The following TANC2 variants were observed in gnomAD, a reference collection of about 807,000 sequenced individuals.
TANC2 encodes the protein tetratricopeptide repeat, ankyrin repeat and coiled-coil containing 2, also known as protein TANC2.
A neutral mutation model predicts 210.5 loss-of-function variants in TANC2; 26 were observed. That is an observed-to-expected ratio of 0.12 (90% CI 0.09 to 0.17). The LOEUF (loss-of-function observed/expected upper bound fraction) is 0.17, where lower values mean the gene tolerates loss of function less well. Among genes scored for constraint, TANC2 ranks in the 10% least tolerant of loss-of-function variants. TANC2 has a pLI of 1.00. For missense variants in TANC2, 2,129 were observed against 2,608.9 expected, an observed-to-expected ratio of 0.82 and a Z score of 4.01; for synonymous variants, 931 against 967.1, an observed-to-expected ratio of 0.96 and a Z score of 0.69.
At chr17:63,197,703 A>G (rs964482580) in intron 6 of TANC2, 4 of 152,122 alleles carry the variant, frequency 2.6e-5, no homozygotes, top group Non-Finnish European at 4.4e-5. Context: ...TATGTTGTGT[A>G]TTTGTAGGAC....
At chr17:63,395,540 T>G (rs764274900) in intron 17 of TANC2, among the ~76,000 whole-genome samples, 4 of 152,210 alleles carry the variant, frequency 2.6e-5, no homozygotes, top group Non-Finnish European at 5.9e-5. Context: ...GAAAAGAAGT[T>G]CTTCCCAGAG....
intron 9 of TANC2, among the ~76,000 whole-genome samples, chr17:63,292,773 C>T (rs2044420356): frequency 6.6e-6 from 1 of 152,154 alleles, no homozygotes; most frequent in Non-Finnish European, 1.5e-5. Context: ...ACACAGTTAA[C>T]AGCCAGACAC....
In TANC2 at chr17:63,071,655, A is replaced by AT. The variant is rs1051383002; in HGVS notation, c.68-2279dup. ...ACCAAACATGGCTTTTGGGAAAAAC[A>AT]TTTTTTTTTCTTTAGAGAATATATC... On this transcript the variant is annotated intron_variant, in intron 2 of 27. Coordinates refer to ENST00000689528, the Ensembl canonical transcript of TANC2. Among the ~76,000 whole-genome samples, 45 of 151,174 alleles carry AT rather than the reference A, an allele frequency of 3.0e-4. No individual in the cohort carries two copies. In the South Asian group the frequency reaches 4.2e-3, roughly 14 times the overall value.
chr17:63,097,291 C>T (rs543559331), intron 3 of TANC2, among the ~76,000 whole-genome samples: 1 of 152,274 alleles, frequency 6.6e-6, no homozygotes, highest in African/African-American at 2.4e-5. Context: ...AAGTGATCCA[C>T]TTGCCTTGGC....
rs774425885 is a variant in TANC2 at position 63,412,140 on chromosome 17, G to A, written c.3898+10G>A. The A allele has an allele frequency of 5.0e-6, 8 of 1,613,820 alleles. No homozygotes were observed. In the East Asian group the frequency reaches 1.6e-4, roughly 31 times the overall value. ...AAAGGAGCCAAGATAGGTAGGAGAA[G>A]GGAAGAGGATGTTGGCCATCTGTGC... On this transcript the variant is annotated intron_variant, in intron 23 of 27. Transcript: ENST00000689528. The surrounding 1 kb of genome is among the most constrained non-coding windows in gnomAD (Gnocchi z 4.2).
chr17:63,323,388 C>T (rs559394772), intron 11 of TANC2, among the ~76,000 whole-genome samples: 1 of 152,260 alleles, frequency 6.6e-6, no homozygotes, highest in East Asian at 1.9e-4. Flanking sequence ...GAAATACTTT[C>T]CATTTGAAGC....
At chr17:63,322,513 A>T (rs1042210555) in intron 11 of TANC2, among the ~76,000 whole-genome samples, 14 of 152,168 alleles carry the variant, frequency 9.2e-5, no homozygotes, top group Non-Finnish European at 2.1e-4. Flanking sequence ...AAAAGAACAG[A>T]CTAATATCTA....
intron 5 of TANC2, among the ~76,000 whole-genome samples, chr17:63,184,992 G>T (rs184850501): frequency 2.0e-5 from 3 of 150,280 alleles, no homozygotes; most frequent in Non-Finnish European, 4.4e-5. Context: ...TTTTTTGGAG[G>T]GGGGGTTGGG....
At chr17:63,216,314 G>T (rs1245153934) in intron 7 of TANC2, among the ~76,000 whole-genome samples, 1 of 152,180 alleles carries the variant, frequency 6.6e-6, no homozygotes, top group East Asian at 1.9e-4. Flanking sequence ...CTCCCAAAGT[G>T]CTGGGATTAC....
chr17:63,351,132 A>G (rs2046594327), intron 12 of TANC2, 118 bp from the exon 13 acceptor site: 2 of 922,734 alleles, frequency 2.2e-6, no homozygotes, highest in Non-Finnish European at 3.2e-6. Context: ...AGCATTCACT[A>G]AACACATGAC....
intron 8 of TANC2, among the ~76,000 whole-genome samples, chr17:63,262,369 T>G (rs2043389245): frequency 6.6e-6 from 1 of 152,184 alleles, no homozygotes; most frequent in African/African-American, 2.4e-5. Flanking sequence ...TTGTTTAATT[T>G]TCAGAGATGA....
rs151196166 is a variant in TANC2, at chr17:63,000,125, G to C, written c.-23-9412G>C. ...GTGAGGATCAAAAAATTACCTATTA[G>C]ATACTGTGTTTATTACCTGAGTGAC... On this transcript the variant is annotated intron_variant, in intron 1 of 27. Transcript: ENST00000689528. Among the ~76,000 whole-genome samples, 39 of 152,246 alleles carry C rather than the reference G, an allele frequency of 2.6e-4. No individual in the cohort carries two copies. The East Asian group carries it at 7.1e-3, about 28-fold the overall frequency.
chr17:63,168,640 T>C (rs894008206), intron 5 of TANC2, among the ~76,000 whole-genome samples: 40 of 152,238 alleles, frequency 2.6e-4, no homozygotes, highest in Admixed American at 2.2e-3. Context: ...ATTCAACATA[T>C]ACTTTATCAT....
intron 2 of TANC2, among the ~76,000 whole-genome samples, chr17:63,068,314 C>A (rs2036275621): frequency 6.6e-6 from 1 of 151,956 alleles, no homozygotes. Flanking sequence ...GAGTAGTATT[C>A]GTGAGATTGT....
At chr17:63,130,526 A>G (rs1185428497) in intron 4 of TANC2, among the ~76,000 whole-genome samples, 2 of 152,086 alleles carry the variant, frequency 1.3e-5, no homozygotes, top group African/African-American at 2.4e-5. Context: ...AAAAAAAAAA[A>G]AGATTTAAAA....
chr17:63,075,992 T>A (rs1047242966), intron 3 of TANC2, among the ~76,000 whole-genome samples: 1 of 151,606 alleles, frequency 6.6e-6, no homozygotes, highest in African/African-American at 2.4e-5. Flanking sequence ...AACTGGAGAG[T>A]ATATGAATAA....
At chr17:63,329,317 GA>G (rs928752832) in intron 11 of TANC2, among the ~76,000 whole-genome samples, 3 of 151,540 alleles carry the variant, frequency 2.0e-5, no homozygotes, top group African/African-American at 7.3e-5. Context: ...GAAAAAATGG[GA>G]AAAAAATAAA....
chr17:63,054,902 C>T lies in TANC2; in HGVS notation c.68-19041C>T, dbSNP rs180875521. ...CTTGTGGTTTTAATAACCTCCACCC[C>T]TCCTATTAGGGTTCTGTATTTTAGT... On this transcript the variant is annotated intron_variant, in intron 2 of 27. Transcript: ENST00000689528. Among the ~76,000 whole-genome samples, 628 of 152,276 alleles carry T rather than the reference C, an allele frequency of 4.1e-3. 5 individuals are homozygous for T. Among genetic ancestry groups the T allele is most frequent in the African/African-American group, 0.014 (585 of 41,564 alleles).
At position 63,072,728 on chromosome 17, in the gene TANC2, C is replaced by T. The variant is rs569839717; in HGVS notation, c.68-1215C>T. The stretch of plus-strand genomic sequence containing the variant: ...TGTACTTATTATTTTGTATTGTCGT[C>T]GTATATTTGGAATCGATTGATTAAA... On this transcript the variant is annotated intron_variant, in intron 2 of 27. Coordinates refer to ENST00000689528, the Ensembl canonical transcript of TANC2. Among the ~76,000 whole-genome samples the T allele has an allele frequency of 4.0e-5, 6 of 151,862 alleles. No homozygotes were observed. In the East Asian group the frequency reaches 5.8e-4, roughly 15 times the overall value.
Sources: gnomAD v4.1 joint callset for allele counts (sites outside exome capture counted in the v4.1 genomes callset) on GRCh38, gnomAD v4.1.1 for gene constraint, Gnocchi (gnomAD v3.1) non-coding constraint, MANE v1.5 for transcripts, NCBI Gene and HGNC (gene_info 2026-07-23, HGNC 2026-07-21) for gene names.